Variants in CHRNA10 observed in about 807,000 individuals in gnomAD.
CHRNA10 encodes cholinergic receptor nicotinic alpha 10 subunit.
A neutral mutation model predicts 36.0 loss-of-function variants in CHRNA10; 31 were observed. That is an observed-to-expected ratio of 0.86 (90% confidence interval 0.65 to 1.16). CHRNA10 has a LOEUF of 1.16. CHRNA10 is among the 50% of genes most tolerant of loss of function. The pLI is 0.00. For missense variants in CHRNA10, 648 were observed against 640.9 expected (o/e 1.01, Z -0.12); for synonymous variants, 302 against 287.0 (o/e 1.05, Z -0.53).
At position 3,669,196 on chromosome 11, in the gene CHRNA10, T is replaced by G. The variant is rs745539164; in HGVS notation, c.362A>C (p.Lys121Thr). ...VWRPDIVLYN[K>T]ADAQPPGSAS... ...GAGGAGGGGCCCAGATAGGCAGTAC[T>G]TGTTATAGAGTACGATGTCTGGCCG... The change falls in exon 3 of 5, where the codon AAA becomes ACA. Residue 121 changes from lysine (K) to threonine (T), a missense_variant and splice_region_variant. Physicochemically the swap from Lys to Thr is moderately conservative, Grantham distance 78. Coordinates refer to ENST00000250699, the MANE Select transcript of CHRNA10 (RefSeq NM_020402.4). 2.5e-6 allele frequency: 4 copies of G among 1,612,440 alleles called. No homozygotes were observed. In the Admixed American group the frequency reaches 5.0e-5, roughly 20 times the overall value.
Position 3,666,325 on chromosome 11 carries a change from G to C in CHRNA10, c.1135C>G (p.Pro379Ala), listed in dbSNP as rs746109032. 4 of 1,613,210 alleles carry C rather than the reference G, an allele frequency of 2.5e-6. No homozygotes were observed. Among genetic ancestry groups the C allele is most frequent in the African/African-American group, 1.3e-5 (1 of 74,942 alleles). ...PQSPEGGAGP[P>A]AGPCHEPRCL... is the part of the protein sequence containing the mutation. ...CGTGGCTCGTGGCAAGGGCCCGCTG[G>C]GGGGCCAGCCCCTCCTTCAGGCGAC... The change falls in exon 5 of 5, where the codon CCA becomes GCA. Residue 379 changes from proline to alanine, a missense_variant. By Grantham distance (27) the Pro-to-Ala change is conservative. Coordinates refer to ENST00000250699, the MANE Select transcript of CHRNA10 (RefSeq NM_020402.4).
intron 3 of CHRNA10, chr11:3,668,457 G>C (rs1455624772): frequency 2.0e-5 from 3 of 152,226 alleles, no homozygotes; most frequent in Non-Finnish European, 4.4e-5. Flanking sequence ...AGCTTGCAGT[G>C]AGCCGAGATA....
At position 3,666,414 on chromosome 11, in the gene CHRNA10, C is replaced by T. The variant is rs1403251199; in HGVS notation, c.1046G>A (p.Cys349Tyr). The T allele has an allele frequency of 1.2e-6, 2 of 1,613,920 alleles. No individual in the cohort carries two copies. The highest frequency in any genetic ancestry group is 3.3e-5 in the Admixed American group (2 of 59,990). Residue 349 changes from cysteine (C) to tyrosine (Y), a missense_variant, in exon 5 of 5, where the codon TGC (cysteine) becomes TAC (tyrosine). Physicochemically the swap from Cys to Tyr is radical, Grantham distance 194. Coordinates refer to ENST00000250699, the MANE Select transcript of CHRNA10 (RefSeq NM_020402.4). ...LLLGHLARGL[C>Y]VRERGEPCGQ... ...ACAGGGCTCCCCTCTTTCCCGCACG[C>T]ACAGGCCCCGTGCCAGGTGTCCCAG... is the stretch of plus-strand genomic sequence containing the variant.
chr11:3,666,349 A>C lies in CHRNA10; in HGVS notation c.1111T>G (p.Ser371Ala). ...GGGGGGCCAGCCCCTCCTTCAGGCG[A>C]CTGGGGGCTAGGAGATAACTCAGGT... ...RPPELSPSPQSPEGGAGPPAG... is the reference protein window; with the variant it reads ...RPPELSPSPQAPEGGAGPPAG... Residue 371 changes from serine to alanine, a missense_variant, in exon 5 of 5, where the codon TCG becomes GCG. Transcript: ENST00000250699. The C allele has an allele frequency of 6.2e-7, 1 of 1,613,414 alleles. No homozygotes were observed. The highest frequency in any genetic ancestry group is 1.1e-5 in the South Asian group (1 of 91,068).
intron 1 of CHRNA10, 151 bp from the exon 2 acceptor site, chr11:3,670,092 C>G: frequency 1.2e-6 from 1 of 810,296 alleles, no homozygotes; most frequent in Non-Finnish European, 2.0e-6. Context: ...TAGTTCCTCC[C>G]TGGCCTGCCT....
rs2077695104 is a variant in CHRNA10, at chr11:3,669,314, T to C, written c.244A>G (p.Ile82Val). Residue 82 changes from isoleucine (I) to valine (V), a missense_variant, in exon 3 of 5, where the codon ATA (isoleucine) becomes GTA (valine). By Grantham distance (29) the Ile-to-Val change is conservative. Coordinates refer to ENST00000250699, the MANE Select transcript of CHRNA10 (RefSeq NM_020402.4). ...RNQVLTLYLWIRQEWTDAYLR... is the reference protein window; with the variant it reads ...RNQVLTLYLWVRQEWTDAYLR... ...TAGGCATCTGTCCACTCCTGCCGTA[T>C]CCACAGATACAGGGTCAGCACCTGG... 5 of 1,613,842 alleles carry C rather than the reference T, an allele frequency of 3.1e-6. No homozygotes were observed. Among genetic ancestry groups the C allele is most frequent in the African/African-American group, 1.3e-5 (1 of 74,868 alleles).
At chr11:3,669,417 C>T (rs768056795) in intron 2 of CHRNA10, 67 bp from the exon 3 acceptor site, 81 of 1,564,848 alleles carry the variant, frequency 5.2e-5, no homozygotes, top group Non-Finnish European at 6.3e-5. Flanking sequence ...TCTGTGCACA[C>T]TCCCCTGCAG....
chr11:3,669,460 C>T, intron 2 of CHRNA10, 110 bp from the exon 3 acceptor site: 1 of 1,371,960 alleles, frequency 7.3e-7, no homozygotes, highest in African/African-American at 1.4e-5. Context: ...CCTGACTTGT[C>T]CATACCGTCC....
chr11:3,665,958 C>A lies in CHRNA10; in HGVS notation c.*149G>T. 1.6e-6 allele frequency: 1 copy of A among 639,878 alleles called. No homozygotes were observed. Among genetic ancestry groups the A allele is most frequent in the Non-Finnish European group, 2.6e-6 (1 of 385,272 alleles). 39.6% of individuals were successfully genotyped at this position (639,878 alleles called of 1,614,324 possible). A position where few individuals can be genotyped will look rare whatever the true frequency, so the allele number is the denominator to read the frequency against. The stretch of plus-strand genomic sequence containing the variant: ...TAGGGTGTGTAGACAATGAGTGCTC[C>A]CTTGTGGATTGTGAAGTCAAGTGTC... On this transcript the variant is annotated 3_prime_UTR_variant, in exon 5 of 5. Transcript: ENST00000250699.
chr11:3,671,351 G>A lies in CHRNA10; in HGVS notation c.-39C>T. The A allele has an allele frequency of 6.2e-7, 1 of 1,609,228 alleles. No individual in the cohort carries two copies. Among genetic ancestry groups the A allele is most frequent in the Non-Finnish European group, 8.5e-7 (1 of 1,175,932 alleles). On this transcript the variant is annotated 5_prime_UTR_variant, in exon 1 of 5. Transcript: ENST00000250699. The stretch of plus-strand genomic sequence containing the variant: ...CAAGAGCGGGGGCAGGTCTCTGGAT[G>A]TGAGGCCTCCTGGCCAGACCTAGGG...
Position 3,671,258 on chromosome 11 carries a change from G to A in CHRNA10, c.55C>T (p.Pro19Ser), listed in dbSNP as rs369044132. 3.1e-6 allele frequency: 5 copies of A among 1,614,010 alleles called. No individual in the cohort carries two copies. Among genetic ancestry groups the A allele is most frequent in the East Asian group, 2.2e-5 (1 of 44,890 alleles). ...SLGLLLLFLL[P>S]AECLGAEGRL... Reference sequence around the variant, plus strand: ...GGTGTACTGAGCTTCATACCTGCAGGGAGTAGAAACAGAAGCAGAAGGCCC... The same window carrying A: ...GGTGTACTGAGCTTCATACCTGCAGAGAGTAGAAACAGAAGCAGAAGGCCC... The change falls in exon 1 of 5, where the codon CCT (proline) becomes TCT (serine). Residue 19 changes from proline to serine, a missense_variant. Physicochemically the swap from Pro to Ser is moderately conservative, Grantham distance 74. Coordinates refer to ENST00000250699, the MANE Select transcript of CHRNA10 (RefSeq NM_020402.4).
intron 1 of CHRNA10, among the ~76,000 whole-genome samples, chr11:3,670,462 T>C (rs1443826675): frequency 1.3e-5 from 2 of 152,208 alleles, no homozygotes; most frequent in African/African-American, 4.8e-5. Flanking sequence ...CCATGAATCC[T>C]GTCCTTGGCT....
At chr11:3,671,049 GCTCA>G (rs1160147998) in intron 1 of CHRNA10, 199 bp downstream of exon 1, 15 of 598,600 alleles carry the variant, frequency 2.5e-5, no homozygotes, top group East Asian at 1.4e-4. Context: ...GAAGCTCCCC[GCTCA>G]CTGTTTCCAC....
chr11:3,665,964 G>T lies in CHRNA10; in HGVS notation c.*143C>A. The T allele has an allele frequency of 1.5e-6, 1 of 671,866 alleles. No homozygotes were observed. The highest frequency in any genetic ancestry group is 2.4e-6 in the Non-Finnish European group (1 of 409,832). The allele number at this position is 671,866 out of a possible 1,614,324, so 41.6% of individuals were successfully genotyped here. A position where few individuals can be genotyped will look rare whatever the true frequency, so the allele number is the denominator to read the frequency against. The stretch of plus-strand genomic sequence containing the variant: ...GTGTAGACAATGAGTGCTCCCTTGT[G>T]GATTGTGAAGTCAAGTGTCTCAGGA... On this transcript the variant is annotated 3_prime_UTR_variant, in exon 5 of 5. Coordinates refer to ENST00000250699, the MANE Select transcript of CHRNA10 (RefSeq NM_020402.4).
intron 3 of CHRNA10, 62 bp from the exon 4 acceptor site, chr11:3,667,826 C>T (rs918355928): frequency 2.9e-6 from 4 of 1,383,916 alleles, no homozygotes; most frequent in Non-Finnish European, 2.8e-6. Context: ...CCCCGGAGGC[C>T]GGGAGCCCAG....
In CHRNA10 at chr11:3,667,272, C is replaced by T; in HGVS notation, c.855G>A (p.Leu285=). ...TCTCGGCCGGTGGCATGCTCTCGGC[C>T]AGCAGCAACTGGAAGACGGTGAGCG... ...LLALTVFQLL[L]AESMPPAESV... The change falls in exon 4 of 5, where the codon CTG becomes CTA. Residue 285 remains leucine (L), a synonymous_variant. Coordinates refer to ENST00000250699, the MANE Select transcript of CHRNA10 (RefSeq NM_020402.4). 1 of 1,596,504 alleles carries T rather than the reference C, an allele frequency of 6.3e-7. No homozygotes were observed. Among genetic ancestry groups the T allele is most frequent in the East Asian group, 2.2e-5 (1 of 44,714 alleles).
chr11:3,667,771 G>A lies in CHRNA10; in HGVS notation c.363-7C>T, dbSNP rs759060304. On this transcript the variant is annotated splice_polypyrimidine_tract_variant and splice_region_variant and intron_variant, in intron 3 of 4. Transcript: ENST00000250699. ...TGGAGGCTGCGCGTCGGCTCTGGGG[G>A]CAGGCGGGGCAGGGCTCACCTAGGC... 3.3e-6 allele frequency: 5 copies of A among 1,502,468 alleles called. No homozygotes were observed. In the East Asian group the frequency reaches 7.4e-5, roughly 22 times the overall value. The allele number at this position is 1,502,468 out of a possible 1,614,324, so 93.1% of individuals were successfully genotyped here.
In CHRNA10 at chr11:3,671,322, AC is replaced by A. The variant is rs2133977722; in HGVS notation, c.-11del. 6.2e-7 allele frequency: 1 copy of A among 1,613,902 alleles called. No individual in the cohort carries two copies. Among genetic ancestry groups the A allele is most frequent in the East Asian group, 2.2e-5 (1 of 44,878 alleles). ...GGCTCCGGAGCCCCATGGCCCTGGCACTGCAAGAGCGGGGGCAGGTCTCTGG... is the reference window on the plus strand; with the variant it reads ...GGCTCCGGAGCCCCATGGCCCTGGCATGCAAGAGCGGGGGCAGGTCTCTGG... On this transcript the variant is annotated 5_prime_UTR_variant, in exon 1 of 5. In the 5' UTR this introduces an upstream ATG that the reference lacks. Transcript: ENST00000250699.
Position 3,667,626 on chromosome 11 carries a change from G to A in CHRNA10, c.501C>T (p.His167=), listed in dbSNP as rs1236481137. Residue 167 remains histidine, a synonymous_variant, in exon 4 of 5, where the codon CAC becomes CAT. Coordinates refer to ENST00000250699, the MANE Select transcript of CHRNA10 (RefSeq NM_020402.4). ...TCCAGGAGCCGAACGTCAGGCCGCA[G>A]TGCTGGGCGTCGAACGGGAAGGCTG... The part of the protein sequence containing the change: ...DVAAFPFDAQ[H]CGLTFGSWTH... 5 of 1,557,344 alleles carry A rather than the reference G, an allele frequency of 3.2e-6. No individual in the cohort carries two copies. The highest frequency in any genetic ancestry group is 2.7e-5 in the African/African-American group (2 of 73,726).
Sources: allele counts gnomAD v4.1 joint callset (sites outside exome capture counted in the v4.1 genomes callset), GRCh38; gene constraint gnomAD v4.1.1; transcripts MANE v1.5; gene names NCBI Gene and HGNC (gene_info 2026-07-23, HGNC 2026-07-21).